Variants in PIK3C2G observed in about 807,000 individuals in gnomAD.
PIK3C2G encodes the protein phosphatidylinositol 3-kinase C2 domain-containing subunit gamma.
In PIK3C2G, 168 loss-of-function variants were observed where a neutral mutation model predicts 181.1. That is an observed-to-expected ratio of 0.93 (90% confidence interval 0.82 to 1.05). The LOEUF is 1.05. Ranked by LOEUF, PIK3C2G falls within the 50% of genes least tolerant of loss-of-function variation. The pLI, the probability that PIK3C2G is intolerant of heterozygous loss-of-function variation, is 0.00. For missense variants in PIK3C2G, 1,869 were observed against 1,732.8 expected (o/e 1.08, Z -1.40); for synonymous variants, 573 against 592.2 (o/e 0.97, Z 0.47).
upstream of PIK3C2G, among the ~76,000 whole-genome samples, chr12:18,244,530 T>G (rs1014926248): frequency 6.6e-6 from 1 of 151,982 alleles, no homozygotes; most frequent in Non-Finnish European, 1.5e-5. Flanking sequence ...ACTACATTTA[T>G]CCAGGAGATC....
At chr12:18,329,534 C>T (rs1459149462) in intron 8 of PIK3C2G, among the ~76,000 whole-genome samples, 1 of 151,928 alleles carries the variant, frequency 6.6e-6, no homozygotes, top group Non-Finnish European at 1.5e-5. Flanking sequence ...ACTATATGCA[C>T]TTTTTGAGCC....
At position 18,518,145 on chromosome 12, in the gene PIK3C2G, T is replaced by C. The variant is rs189221432; in HGVS notation, c.3323+12684T>C. 3.5e-3 allele frequency among the ~76,000 whole-genome samples: 539 copies of C among 152,344 alleles called. 5 individuals carry two copies. Among genetic ancestry groups the C allele is most frequent in the Non-Finnish European group, 4.5e-3 (309 of 68,036 alleles). On this transcript the variant is annotated intron_variant, in intron 24 of 32. Transcript: ENST00000538779. ...TGCTGGATTCGGTTTGCCAATATTT[T>C]ATTGAGGATTTTCGCATTGATGTTC... is the stretch of plus-strand genomic sequence containing the variant.
chr12:18,331,758 C>G (rs1050945376), intron 8 of PIK3C2G, among the ~76,000 whole-genome samples: 5 of 151,944 alleles, frequency 3.3e-5, no homozygotes, highest in Non-Finnish European at 7.4e-5. Context: ...ACTTTACAGT[C>G]TTTTATCATT....
the PIK3C2G span, among the ~76,000 whole-genome samples, chr12:18,698,917 C>T: frequency 2.0e-5 from 3 of 152,238 alleles, no homozygotes; most frequent in Non-Finnish European, 1.5e-5. Context: ...TTACTTCCCC[C>T]ATACCCCTGC....
chr12:18,447,509 ACACG>A (rs1369093699), intron 18 of PIK3C2G, among the ~76,000 whole-genome samples: 2 of 152,184 alleles, frequency 1.3e-5, no homozygotes, highest in African/African-American at 4.8e-5. Flanking sequence ...ACACACAGAT[ACACG>A]CACTTCATGT....
intron 17 of PIK3C2G, among the ~76,000 whole-genome samples, 152 bp from the exon 18 acceptor site, chr12:18,423,793 T>C (rs371810982): frequency 2.0e-5 from 3 of 152,340 alleles, no homozygotes; most frequent in African/African-American, 7.2e-5. Flanking sequence ...ATTAGTCATA[T>C]ACCGACTCAT....
At chr12:18,482,850 C>A (rs971066595) in intron 18 of PIK3C2G, among the ~76,000 whole-genome samples, 12 of 152,162 alleles carry the variant, frequency 7.9e-5, no homozygotes, top group Non-Finnish European at 1.3e-4. Context: ...TGACTCATGA[C>A]TCTCAAACAC....
chr12:18,627,646 G>C (rs956462955), intron 31 of PIK3C2G, among the ~76,000 whole-genome samples: 3 of 152,124 alleles, frequency 2.0e-5, no homozygotes, highest in African/African-American at 7.2e-5. Flanking sequence ...CCATTTAACT[G>C]AGGCACAAAA....
chr12:18,434,136 A>T (rs573844106), intron 18 of PIK3C2G, among the ~76,000 whole-genome samples: 1 of 152,266 alleles, frequency 6.6e-6, no homozygotes, highest in South Asian at 2.1e-4. Context: ...CCGAGATTGC[A>T]CCTTGAACAC....
At chr12:18,476,220 G>T (rs1938974929) in intron 18 of PIK3C2G, among the ~76,000 whole-genome samples, 1 of 152,104 alleles carries the variant, frequency 6.6e-6, no homozygotes, top group Non-Finnish European at 1.5e-5. Flanking sequence ...AACATTAAAA[G>T]ATACACAGAT....
At chr12:18,536,444 A>G (rs1470721804) in intron 24 of PIK3C2G, among the ~76,000 whole-genome samples, 1 of 152,058 alleles carries the variant, frequency 6.6e-6, no homozygotes, top group Non-Finnish European at 1.5e-5. Flanking sequence ...GAGAACGGAG[A>G]GATTAAGTCA....
chr12:18,524,280 G>T (rs2136192535), intron 24 of PIK3C2G, among the ~76,000 whole-genome samples: 1 of 152,278 alleles, frequency 6.6e-6, no homozygotes, highest in East Asian at 1.9e-4. Flanking sequence ...AAGGAGCGGT[G>T]ACACAATCAA....
chr12:18,701,596 C>A, the PIK3C2G span: 3 of 1,609,154 alleles, frequency 1.9e-6, no homozygotes, highest in Non-Finnish European at 2.5e-6. Context: ...ACTTCTGATT[C>A]TTTGAATTTA....
chr12:18,675,686 A>C, the PIK3C2G span, among the ~76,000 whole-genome samples: 1 of 152,190 alleles, frequency 6.6e-6, no homozygotes, highest in South Asian at 2.1e-4. Flanking sequence ...GGAATACTAC[A>C]TAGCCAGGAA....
rs116152765 is a variant in PIK3C2G at position 18,585,003 on chromosome 12, C to T, written c.4012-9491C>T. Among the ~76,000 whole-genome samples, 1,238 of 152,038 alleles carry T rather than the reference C, an allele frequency of 8.1e-3. 8 individuals carry two copies. The highest frequency in any genetic ancestry group is 0.023 in the African/African-American group (973 of 41,476). ...CAAATAAGCAAATGCTGATGGAGTC[C>T]GCTACCACCAGACCTGCCTTACAAG... On this transcript the variant is annotated intron_variant, in intron 29 of 32. Transcript: ENST00000538779.
intron 30 of PIK3C2G, among the ~76,000 whole-genome samples, chr12:18,600,282 T>A (rs1947634192): frequency 6.6e-6 from 1 of 151,530 alleles, no homozygotes; most frequent in Admixed American, 6.6e-5. Context: ...GACACTTAGG[T>A]TTAGGAATTA....
chr12:18,496,235 G>A (rs375768535), intron 21 of PIK3C2G, 81 bp downstream of exon 21: 68 of 835,950 alleles, frequency 8.1e-5, no homozygotes, highest in Non-Finnish European at 1.3e-5. Flanking sequence ...AATTGTTGTG[G>A]CTATTTTCCT....
intron 12 of PIK3C2G, among the ~76,000 whole-genome samples, chr12:18,366,754 A>G (rs1450393808): frequency 6.6e-6 from 1 of 151,732 alleles, no homozygotes; most frequent in Non-Finnish European, 1.5e-5. Flanking sequence ...AAAAAAAGCA[A>G]TCTGTTTCCG....
intron 2 of PIK3C2G, chr12:18,285,359 A>G (rs1240131605): frequency 6.6e-6 from 1 of 152,160 alleles, no homozygotes; most frequent in Non-Finnish European, 1.5e-5. Context: ...AGAAATGCCA[A>G]ATTAAATACT....
Sources: allele counts gnomAD v4.1 joint callset (sites outside exome capture counted in the v4.1 genomes callset), GRCh38; gene constraint gnomAD v4.1.1; transcripts MANE v1.5; gene names NCBI Gene and HGNC (gene_info 2026-07-23, HGNC 2026-07-21).